MYO3B: variants seen among roughly 807,000 people sequenced by gnomAD.
MYO3B encodes myosin-IIIb.
In MYO3B, 156 loss-of-function variants were observed where a neutral mutation model predicts 174.6. That is an observed-to-expected ratio of 0.89 (90% CI 0.78 to 1.02). The LOEUF is 1.02. Among genes scored for constraint, MYO3B ranks in the 50% least tolerant of loss-of-function variants. The pLI, the probability that MYO3B is intolerant of heterozygous loss-of-function variation, is 0.00. For synonymous variants in MYO3B, 563 were observed against 569.1 expected, an observed-to-expected ratio of 0.99 and a Z score of 0.15; for missense variants, 1,632 against 1,639.4, an observed-to-expected ratio of 1.00 and a Z score of 0.08.
At chr2:170,247,653 C>T (rs2093206313) in intron 7 of MYO3B, among the ~76,000 whole-genome samples, 1 of 152,170 alleles carries the variant, frequency 6.6e-6, no homozygotes. Flanking sequence ...ATCAAGATGT[C>T]ATCAGATTTG....
chr2:170,406,574 C>G (rs2094510393), intron 21 of MYO3B, among the ~76,000 whole-genome samples: 1 of 152,044 alleles, frequency 6.6e-6, no homozygotes, highest in African/African-American at 2.4e-5. Context: ...GTCTGAAATA[C>G]CAGCATCTAC....
At chr2:170,482,049 T>C (rs1016339242) in intron 25 of MYO3B, among the ~76,000 whole-genome samples, 1 of 152,032 alleles carries the variant, frequency 6.6e-6, no homozygotes, top group South Asian at 2.1e-4. Flanking sequence ...CAATGGGAGG[T>C]AATTGAATCA....
At chr2:170,626,283 G>A (rs1015458170) in intron 32 of MYO3B, among the ~76,000 whole-genome samples, 1 of 152,188 alleles carries the variant, frequency 6.6e-6, no homozygotes, top group Non-Finnish European at 1.5e-5. Flanking sequence ...TCTTCTTGTT[G>A]AATTGATCCC....
At chr2:170,391,419 A>T in intron 14 of MYO3B, 101 bp from the exon 15 acceptor site, 1 of 568,688 alleles carries the variant, frequency 1.8e-6, no homozygotes, top group Non-Finnish European at 3.0e-6. Flanking sequence ...GAAAATACAA[A>T]TTTGCCATGG....
At chr2:170,538,870 T>A (rs1689895071) in intron 30 of MYO3B, among the ~76,000 whole-genome samples, 3 of 152,212 alleles carry the variant, frequency 2.0e-5, no homozygotes, top group Admixed American at 2.0e-4. Context: ...CACCTTATTT[T>A]GATAGCCATA....
chr2:170,582,047 A>G (rs1575197504), intron 32 of MYO3B, among the ~76,000 whole-genome samples: 2 of 152,264 alleles, frequency 1.3e-5, no homozygotes, highest in South Asian at 4.1e-4. Context: ...AAGGCAGCCT[A>G]TTGATTTATA....
chr2:170,243,176 C>T (rs755962096), intron 7 of MYO3B, among the ~76,000 whole-genome samples: 10 of 152,176 alleles, frequency 6.6e-5, no homozygotes, highest in Non-Finnish European at 1.0e-4. Context: ...GCTTAAACAA[C>T]AAACATTTAT....
intron 7 of MYO3B, chr2:170,333,876 C>T (rs1353149016): frequency 6.6e-6 from 1 of 152,100 alleles, no homozygotes; most frequent in Non-Finnish European, 1.5e-5. Flanking sequence ...TAGGAAAATA[C>T]TCGGAAAGGT....
rs80054352 is a variant in MYO3B at position 170,245,630 on chromosome 2, T to C, written c.749+9494T>C. 3.9e-3 allele frequency among the ~76,000 whole-genome samples: 594 copies of C among 152,374 alleles called. 2 individuals carry two copies. Among genetic ancestry groups the C allele is most frequent in the African/African-American group, 0.014 (582 of 41,588 alleles). On this transcript the variant is annotated intron_variant, in intron 7 of 34. Transcript: ENST00000408978. ...CACCTTTCAGAGGGGAATAAATGGCTACCATTCTTGAGCAACCATGTTCTG... is the reference window on the plus strand; with the variant it reads ...CACCTTTCAGAGGGGAATAAATGGCCACCATTCTTGAGCAACCATGTTCTG...
intron 8 of MYO3B, among the ~76,000 whole-genome samples, chr2:170,356,000 C>T (rs1016028316): frequency 9.2e-5 from 14 of 151,902 alleles, no homozygotes; most frequent in Admixed American, 3.9e-4. Flanking sequence ...CTCGCTGTGT[C>T]GCCCAGGTGG....
At chr2:170,295,832 A>G (rs1210475442) in intron 7 of MYO3B, among the ~76,000 whole-genome samples, 2 of 152,202 alleles carry the variant, frequency 1.3e-5, no homozygotes, top group Non-Finnish European at 1.5e-5. Flanking sequence ...AGCTGGGTAT[A>G]GAATTCCATG....
chr2:170,379,973 C>A (rs2094323409), intron 9 of MYO3B, among the ~76,000 whole-genome samples: 1 of 152,228 alleles, frequency 6.6e-6, no homozygotes, highest in African/African-American at 2.4e-5. Context: ...ACTCAATATG[C>A]AGAGCTGATA....
In MYO3B at chr2:170,620,691, T is replaced by G. The variant is rs142090738; in HGVS notation, c.3734-30937T>G. Among the ~76,000 whole-genome samples the G allele has an allele frequency of 2.7e-4, 41 of 152,270 alleles. 1 individual carries two copies. Among genetic ancestry groups the G allele is most frequent in the African/African-American group, 8.4e-4 (35 of 41,556 alleles). ...ATGGAAAATGGCCCGGGTAGATCTG[T>G]GCACACAGTGGATTTGTGTCACTGT... On this transcript the variant is annotated intron_variant, in intron 32 of 34. Coordinates refer to ENST00000408978, the MANE Select transcript of MYO3B (RefSeq NM_138995.5).
intron 7 of MYO3B, among the ~76,000 whole-genome samples, chr2:170,251,139 C>G (rs951082433): frequency 8.6e-5 from 13 of 152,012 alleles, no homozygotes; most frequent in African/African-American, 3.1e-4. Flanking sequence ...GTCAACTGTA[C>G]ATAGCTTTTT....
At chr2:170,521,745 C>A (rs1688680885) in intron 30 of MYO3B, among the ~76,000 whole-genome samples, 1 of 152,162 alleles carries the variant, frequency 6.6e-6, no homozygotes, top group Middle Eastern at 3.4e-3. Context: ...CTGCCCTTGG[C>A]CTGTCCTTCC....
chr2:170,255,403 A>C (rs2093296069), intron 7 of MYO3B, among the ~76,000 whole-genome samples: 1 of 152,186 alleles, frequency 6.6e-6, no homozygotes, highest in Non-Finnish European at 1.5e-5. Context: ...AGTACAAAAA[A>C]GGTACATAAC....
At chr2:170,384,722 C>T (rs1020163941) in intron 12 of MYO3B, among the ~76,000 whole-genome samples, 1 of 152,164 alleles carries the variant, frequency 6.6e-6, no homozygotes, top group African/African-American at 2.4e-5. Context: ...AAGAAGTTGC[C>T]TCACTGTGTT....
At chr2:170,406,687 A>C (rs544271381) in intron 21 of MYO3B, among the ~76,000 whole-genome samples, 1,690 of 23,042 alleles carry the variant, frequency 0.073, 39 homozygotes, top group African/African-American at 0.12. Flanking sequence ...CGTCTTCTTG[A>C]CTCTTACTAT....
intron 30 of MYO3B, among the ~76,000 whole-genome samples, chr2:170,540,133 G>T (rs1372562239): frequency 6.6e-6 from 1 of 152,106 alleles, no homozygotes; most frequent in Admixed American, 6.5e-5. Flanking sequence ...ACCAGCCTGT[G>T]CAATATAGTG....
Sources: allele counts gnomAD v4.1 joint callset (sites outside exome capture counted in the v4.1 genomes callset), GRCh38; gene constraint gnomAD v4.1.1; transcripts MANE v1.5; gene names NCBI Gene and HGNC (gene_info 2026-07-23, HGNC 2026-07-21).